Variants in KLHL8 observed in about 807,000 individuals in gnomAD.
KLHL8 encodes kelch like family member 8, also known as kelch-like protein 8.
In KLHL8, 38 loss-of-function variants were observed where a neutral mutation model predicts 63.5. The observed-to-expected ratio is 0.60, with a 90% confidence interval of 0.46 to 0.78. KLHL8 has a LOEUF of 0.78. Ranked by LOEUF, KLHL8 falls within the 30% of genes least tolerant of loss-of-function variation. The probability of loss-of-function intolerance (pLI) is 0.00; values close to 1 mark genes in which losing one functional copy is unlikely to be tolerated. For synonymous variants in KLHL8, 224 were observed against 254.3 expected (o/e 0.88, Z 1.13); for missense variants, 566 against 752.4 (o/e 0.75, Z 2.90).
At position 87,170,552 on chromosome 4, in the gene KLHL8, A is replaced by G; in HGVS notation, c.1272T>C (p.Asn424=). 1 of 1,614,082 alleles carries G rather than the reference A, an allele frequency of 6.2e-7. No homozygotes were observed. The highest frequency in any genetic ancestry group is 1.3e-5 in the African/African-American group (1 of 75,036). ...PIYAIGGLDD[N]TCFNDVERYD... ...ATCTCTCCACATCATTGAAGCAAGT[A>G]TTGTCATCTAACCCTCCAATTGCAT... Residue 424 remains asparagine (N), a synonymous_variant, in exon 7 of 10, where the codon AAT becomes AAC. Transcript: ENST00000273963.
At chr4:87,168,729 T>TAA (rs1730509266) in intron 8 of KLHL8, among the ~76,000 whole-genome samples, 1 of 148,518 alleles carries the variant, frequency 6.7e-6, no homozygotes. Context: ...TACGTATATA[T>TAA]ATGTGTGTAT....
chr4:87,219,216 C>T (rs936126390), intron 1 of KLHL8, among the ~76,000 whole-genome samples: 2 of 152,158 alleles, frequency 1.3e-5, no homozygotes, highest in African/African-American at 4.8e-5. Context: ...TTAATGCCAC[C>T]GCCATCTCCA....
At chr4:87,225,742 A>G (rs919223755) in intron 1 of KLHL8, among the ~76,000 whole-genome samples, 2 of 152,220 alleles carry the variant, frequency 1.3e-5, no homozygotes, top group Admixed American at 1.3e-4. Context: ...GTGAAGCTAA[A>G]ACAGAAAGCA....
chr4:87,197,227 AAAGTGATGAGATGCCACTCTCTT>A (rs767723468), intron 1 of KLHL8, among the ~76,000 whole-genome samples: 51,936 of 150,994 alleles, frequency 0.34, 9,717 homozygotes, highest in Middle Eastern at 0.56. Context: ...GGAATGTGGG[AAAGTGATGAGATGCCACTCTCTT>A]GATTATGTTA....
At chr4:87,204,225 C>A (rs1330966399) in intron 1 of KLHL8, among the ~76,000 whole-genome samples, 2 of 152,130 alleles carry the variant, frequency 1.3e-5, no homozygotes, top group Non-Finnish European at 2.9e-5. Flanking sequence ...CCTGCCACAT[C>A]CCCATACACA....
chr4:87,217,173 CAA>C (rs1732627026), intron 1 of KLHL8, among the ~76,000 whole-genome samples: 2 of 150,122 alleles, frequency 1.3e-5, no homozygotes, highest in Admixed American at 1.3e-4. Flanking sequence ...CATGAGTAAA[CAA>C]AAATTAATTT....
intron 1 of KLHL8, among the ~76,000 whole-genome samples, chr4:87,239,859 A>G (rs1024783205): frequency 2.0e-5 from 3 of 152,208 alleles, no homozygotes; most frequent in African/African-American, 7.2e-5. Context: ...GTCCAGTGCT[A>G]CTTCTCAATC....
intron 8 of KLHL8, chr4:87,167,391 G>A (rs986048885): frequency 2.2e-5 from 10 of 450,604 alleles, no homozygotes; most frequent in South Asian, 1.4e-4. Context: ...TCCTGGTCAT[G>A]GAGATTTATC....
In KLHL8 at chr4:87,195,962, T is replaced by C. The variant is rs576190687; in HGVS notation, c.-151-272A>G. On this transcript the variant is annotated intron_variant, in intron 1 of 9. Transcript: ENST00000273963. ...ATGCTATCTTCAAAGAGAAAGGCCATGAACTAAAATTTTTCTATTTTTTAA... is the reference window on the plus strand; with the variant it reads ...ATGCTATCTTCAAAGAGAAAGGCCACGAACTAAAATTTTTCTATTTTTTAA... Among the ~76,000 whole-genome samples, 27 of 152,222 alleles carry C rather than the reference T, an allele frequency of 1.8e-4. No homozygotes were observed. In the South Asian group the frequency reaches 5.6e-3, roughly 32 times the overall value.
intron 6 of KLHL8, among the ~76,000 whole-genome samples, chr4:87,176,268 A>G (rs1270013544): frequency 1.3e-5 from 2 of 152,212 alleles, no homozygotes; most frequent in African/African-American, 4.8e-5. Context: ...CATTTGGACT[A>G]GAAGATTCTT....
chr4:87,239,674 C>G (rs911953613), intron 1 of KLHL8, among the ~76,000 whole-genome samples: 1 of 152,122 alleles, frequency 6.6e-6, no homozygotes, highest in Non-Finnish European at 1.5e-5. Context: ...TTCAGCAGTA[C>G]TAACAATACA....
At chr4:87,182,745 T>C (rs903470221) in intron 4 of KLHL8, among the ~76,000 whole-genome samples, 3 of 152,220 alleles carry the variant, frequency 2.0e-5, no homozygotes, top group Non-Finnish European at 4.4e-5. Context: ...TAACCCATTA[T>C]ACAAATGTTA....
chr4:87,221,918 A>C (rs142758658), upstream of KLHL8, among the ~76,000 whole-genome samples: 6 of 152,282 alleles, frequency 3.9e-5, no homozygotes, highest in East Asian at 1.2e-3. Flanking sequence ...AAAGTCATAA[A>C]ATGTGTCTGG....
chr4:87,209,500 C>T (rs1732300969), intron 1 of KLHL8, among the ~76,000 whole-genome samples: 1 of 152,118 alleles, frequency 6.6e-6, no homozygotes, highest in African/African-American at 2.4e-5. Flanking sequence ...GTTTATAGTT[C>T]AACGCAGAGC....
chr4:87,171,291 G>A (rs1281300128), intron 6 of KLHL8, among the ~76,000 whole-genome samples: 1 of 152,098 alleles, frequency 6.6e-6, no homozygotes, highest in Non-Finnish European at 1.5e-5. Context: ...ACTATCTTGT[G>A]TCTCATCTGA....
At chr4:87,231,645 G>A (rs1733139842) in intron 1 of KLHL8, among the ~76,000 whole-genome samples, 1 of 151,780 alleles carries the variant, frequency 6.6e-6, no homozygotes, top group Non-Finnish European at 1.5e-5. Flanking sequence ...CACCCAGGCT[G>A]GAGTGCAGTG....
intron 1 of KLHL8, among the ~76,000 whole-genome samples, chr4:87,239,937 C>T (rs1242961792): frequency 6.6e-6 from 1 of 152,114 alleles, no homozygotes. Flanking sequence ...AAGAACAAAC[C>T]TTTGAGTTTC....
At chr4:87,200,861 TACA>T (rs1731893930) in intron 1 of KLHL8, among the ~76,000 whole-genome samples, 1 of 152,178 alleles carries the variant, frequency 6.6e-6, no homozygotes, top group Non-Finnish European at 1.5e-5. Context: ...CAGCATTATT[TACA>T]ACAACCAAGA....
intron 1 of KLHL8, among the ~76,000 whole-genome samples, chr4:87,235,286 G>A (rs1225505122): frequency 2.6e-5 from 4 of 152,014 alleles, no homozygotes; most frequent in South Asian, 2.1e-4. Context: ...CTTTTATACC[G>A]TATTTTTAGT....
Sources: allele counts gnomAD v4.1 joint callset (sites outside exome capture counted in the v4.1 genomes callset), GRCh38; gene constraint gnomAD v4.1.1; transcripts MANE v1.5; gene names NCBI Gene and HGNC (gene_info 2026-07-23, HGNC 2026-07-21).